HRG: variants seen among roughly 807,000 people sequenced by gnomAD.
HRG encodes the protein histidine rich glycoprotein.
HRG carries 26 observed loss-of-function variants against 29.5 expected under a neutral mutation model. The observed-to-expected ratio is 0.88, with a 90% confidence interval of 0.65 to 1.22. HRG has a LOEUF of 1.22. HRG is among the 50% of genes most tolerant of loss of function. The pLI, the probability that HRG is intolerant of heterozygous loss-of-function variation, is 0.00. For synonymous variants in HRG, 243 were observed against 240.4 expected, an observed-to-expected ratio of 1.01 and a Z score of -0.10; for missense variants, 671 against 654.5, an observed-to-expected ratio of 1.03 and a Z score of -0.28.
At chr3:186,666,241 A>G in intron 1 of HRG, 27 bp downstream of exon 1, 2 of 1,611,480 alleles carry the variant, frequency 1.2e-6, no homozygotes, top group Non-Finnish European at 1.7e-6. Context: ...GGCAGAGCTG[A>G]GTTGGGAGAT....
At chr3:186,672,287 A>G (rs1261831699) in intron 4 of HRG, among the ~76,000 whole-genome samples, 2 of 152,220 alleles carry the variant, frequency 1.3e-5, no homozygotes, top group Non-Finnish European at 2.9e-5. Flanking sequence ...CGTTAAATAG[A>G]TTGTGTTGCA....
At chr3:186,669,843 G>A in intron 2 of HRG, 95 bp from the exon 3 acceptor site, 1 of 774,544 alleles carries the variant, frequency 1.3e-6, no homozygotes, top group South Asian at 1.4e-5. Context: ...TGAACAGTAG[G>A]AGGATGTTGC....
At chr3:186,670,090 G>A (rs1224782276) in intron 3 of HRG, 62 bp downstream of exon 3, 2 of 867,400 alleles carry the variant, frequency 2.3e-6, no homozygotes, top group East Asian at 2.4e-5. Context: ...TCATACAGTG[G>A]TATTTGTCTC....
In HRG at chr3:186,675,298, T is replaced by A. The variant is rs199815402; in HGVS notation, c.741+108T>A. 0.093 allele frequency: 55,066 copies of A among 595,076 alleles called. 3,916 individuals are homozygous for A. Among genetic ancestry groups the A allele is most frequent in the East Asian group, 0.19 (5,029 of 26,540 alleles). The allele number at this position is 595,076 out of a possible 1,614,324, so 36.9% of individuals were successfully genotyped here. Reference sequence around the variant, plus strand: ...CTCTATGAGTGGGTGTGTGTGTGTGTGTGTGTGTGTGAGAGAGAGAGAGAG... The same window carrying A: ...CTCTATGAGTGGGTGTGTGTGTGTGAGTGTGTGTGTGAGAGAGAGAGAGAG... On this transcript the variant is annotated intron_variant, in intron 6 of 6. Coordinates refer to ENST00000232003, the MANE Select transcript of HRG (RefSeq NM_000412.5).
At chr3:186,666,299 C>T in intron 1 of HRG, 85 bp downstream of exon 1, 1 of 1,377,774 alleles carries the variant, frequency 7.3e-7, no homozygotes, top group South Asian at 1.2e-5. Flanking sequence ...TACTGCTTTG[C>T]ACAATGAATG....
chr3:186,678,093 C>CT lies in HRG; in HGVS notation c.*211dup. The CT allele has an allele frequency of 1.8e-6, 1 of 553,856 alleles. No individual in the cohort carries two copies. Among genetic ancestry groups the CT allele is most frequent in the Non-Finnish European group, 3.2e-6 (1 of 310,634 alleles). The allele number at this position is 553,856 out of a possible 1,614,324, so 34.3% of individuals were successfully genotyped here. A position where few individuals can be genotyped will look rare whatever the true frequency, so the allele number is the denominator to read the frequency against. ...CAGTGCTGCCTATTAGTAGTTAATT[C>CT]TGTCACTCACCACTACATCACTTGA... On this transcript the variant is annotated 3_prime_UTR_variant, in exon 7 of 7. Coordinates refer to ENST00000232003, the MANE Select transcript of HRG (RefSeq NM_000412.5).
At chr3:186,669,758 G>A in intron 2 of HRG, 180 bp from the exon 3 acceptor site, 1 of 645,434 alleles carries the variant, frequency 1.5e-6, no homozygotes, top group Non-Finnish European at 2.8e-6. Flanking sequence ...GTGCCAACAG[G>A]ATGCAGCACA....
intron 3 of HRG, 87 bp downstream of exon 3, chr3:186,670,115 G>A: frequency 1.3e-6 from 1 of 785,978 alleles, no homozygotes; most frequent in Non-Finnish European, 2.3e-6. Flanking sequence ...ATGTACATAT[G>A]TATTCATATA....
At chr3:186,674,534 A>G (rs1222853464) in intron 5 of HRG, 3 of 180,704 alleles carry the variant, frequency 1.7e-5, no homozygotes, top group African/African-American at 7.1e-5. Flanking sequence ...GTCCTAGTCG[A>G]TCTTTCACAG....
intron 6 of HRG, 28 bp from the exon 7 acceptor site, chr3:186,677,019 A>G: frequency 6.2e-7 from 1 of 1,613,882 alleles, no homozygotes; most frequent in Non-Finnish European, 8.5e-7. Context: ...TTACATGATG[A>G]TAGGCACTTT....
Position 186,677,295 on chromosome 3 carries a change from C to G in HRG, c.990C>G (p.Ala330=). 1.9e-6 allele frequency: 3 copies of G among 1,614,126 alleles called. No individual in the cohort carries two copies. Among genetic ancestry groups the G allele is most frequent in the Non-Finnish European group, 1.7e-6 (2 of 1,180,008 alleles). Residue 330 remains alanine (A), a synonymous_variant, in exon 7 of 7, where the codon GCC becomes GCG. Transcript: ENST00000232003. ...TGTCCTGCTCAAGTTGTCAACATGC[C>G]ACTTTTGGCACAAATGGGGCCCAAA... ...LPMSCSSCQH[A]TFGTNGAQRH...
chr3:186,675,664 T>C (rs1360480901), intron 6 of HRG, among the ~76,000 whole-genome samples: 1 of 152,148 alleles, frequency 6.6e-6, no homozygotes, highest in African/African-American at 2.4e-5. Flanking sequence ...ATTATGTAAA[T>C]GTATATAAAA....
intron 3 of HRG, among the ~76,000 whole-genome samples, chr3:186,670,559 A>G (rs181447663): frequency 1.3e-4 from 20 of 152,204 alleles, no homozygotes; most frequent in African/African-American, 4.3e-4. Flanking sequence ...ATTTATTTTT[A>G]TTTTTGAGAC....
At chr3:186,668,572 G>T in intron 1 of HRG, 1 of 277,824 alleles carries the variant, frequency 3.6e-6, no homozygotes, top group South Asian at 4.1e-5. Context: ...ATCAGTAATA[G>T]AGCTGGGCAA....
chr3:186,675,337 G>C, intron 6 of HRG, 147 bp downstream of exon 6: 1 of 675,210 alleles, frequency 1.5e-6, no homozygotes, highest in Admixed American at 2.1e-5. Context: ...GAGAGACAGA[G>C]ACAGAGACAG....
At chr3:186,672,935 A>C (rs1047898394) in intron 5 of HRG, 68 bp downstream of exon 5, 3 of 959,768 alleles carry the variant, frequency 3.1e-6, no homozygotes, top group Non-Finnish European at 5.1e-6. Context: ...AAGAAGGAGA[A>C]GGAGAAGGAG....
rs779364692 is a variant in HRG at position 186,677,835 on chromosome 3, T to C, written c.1530T>C (p.Ser510=). 6.2e-7 allele frequency: 1 copy of C among 1,614,080 alleles called. No individual in the cohort carries two copies. The highest frequency in any genetic ancestry group is 1.3e-5 in the African/African-American group (1 of 75,028). Residue 510 remains serine (S), a synonymous_variant, in exon 7 of 7, where the codon AGT becomes AGC. Coordinates refer to ENST00000232003, the MANE Select transcript of HRG (RefSeq NM_000412.5). Reference sequence around the variant, plus strand: ...AATCATGTCCAGGGAAGTTCAAGAGTGGGTTTCCACAAGTTTCCATGTTTT... The same window carrying C: ...AATCATGTCCAGGGAAGTTCAAGAGCGGGTTTCCACAAGTTTCCATGTTTT... ...VSESCPGKFK[S]GFPQVSMFFT... is the part of the protein sequence containing the mutation.
Position 186,666,137 on chromosome 3 carries a change from G to C in HRG, c.106G>C (p.Asp36His), listed in dbSNP as rs902340759. ...AVEPEAEKALDLINKRRRDGY... is the reference protein window; with the variant it reads ...AVEPEAEKALHLINKRRRDGY... ...TGAGCCGGAGGCTGAGAAAGCTCTA[G>C]ACCTGATCAATAAAAGGCGACGGGA... Residue 36 changes from aspartate to histidine, a missense_variant, in exon 1 of 7, where the codon GAC (aspartate) becomes CAC (histidine). Asp to His is a moderately conservative substitution (Grantham distance 81). Transcript: ENST00000232003. The C allele has an allele frequency of 2.5e-6, 4 of 1,614,092 alleles. No individual in the cohort carries two copies. In the African/African-American group the frequency reaches 4.0e-5, roughly 16 times the overall value.
rs758966190 is a variant in HRG, at chr3:186,677,585, G to C, written c.1280G>C (p.Cys427Ser). The C allele has an allele frequency of 1.2e-6, 2 of 1,614,014 alleles. No homozygotes were observed. The highest frequency in any genetic ancestry group is 2.2e-5 in the South Asian group (2 of 91,070). The change falls in exon 7 of 7, where the codon TGT (cysteine) becomes TCT (serine). Residue 427 changes from cysteine (C) to serine (S), a missense_variant. By Grantham distance (112) the Cys-to-Ser change is moderately radical. Coordinates refer to ENST00000232003, the MANE Select transcript of HRG (RefSeq NM_000412.5). ...CDPPPHNQGH[C>S]CHGHGPPPGH... The stretch of plus-strand genomic sequence containing the variant: ...CCACCACCCCATAACCAAGGTCACT[G>C]TTGCCATGGCCACGGCCCACCACCT...
Sources: allele counts gnomAD v4.1 joint callset (sites outside exome capture counted in the v4.1 genomes callset), GRCh38; gene constraint gnomAD v4.1.1; transcripts MANE v1.5; gene names NCBI Gene and HGNC (gene_info 2026-07-23, HGNC 2026-07-21).